Variants in KCNIP4 observed in about 807,000 individuals in gnomAD.
KCNIP4 encodes the protein Kv channel-interacting protein 4.
KCNIP4 carries 12 observed loss-of-function variants against 34.0 expected under a neutral mutation model. That is an observed-to-expected ratio of 0.35 (90% CI 0.23 to 0.57). KCNIP4 has a LOEUF of 0.57. KCNIP4 is among the 20% of genes least tolerant of loss of function. The pLI is 0.83. For missense variants in KCNIP4, 238 were observed against 311.7 expected (o/e 0.76, Z 1.78); for synonymous variants, 124 against 102.2 (o/e 1.21, Z -1.29).
intron 1 of KCNIP4, among the ~76,000 whole-genome samples, chr4:21,206,583 T>G (rs1250765349): frequency 6.6e-6 from 1 of 152,194 alleles, no homozygotes; most frequent in Non-Finnish European, 1.5e-5. Context: ...GAATCAGGCC[T>G]AGATTCCAGC....
At chr4:20,902,368 G>A (rs1241698416) in intron 1 of KCNIP4, among the ~76,000 whole-genome samples, 1 of 152,098 alleles carries the variant, frequency 6.6e-6, no homozygotes, top group Non-Finnish European at 1.5e-5. Flanking sequence ...AGAAAAAGGA[G>A]CTGATTACAG....
At chr4:21,503,764 G>A (rs148539354) in intron 1 of KCNIP4, among the ~76,000 whole-genome samples, 1 of 152,266 alleles carries the variant, frequency 6.6e-6, no homozygotes, top group East Asian at 1.9e-4. Context: ...TAATTCCCTA[G>A]AATGCTAAGG....
chr4:21,919,193 C>A (rs776885308), intron 1 of KCNIP4, among the ~76,000 whole-genome samples: 3 of 152,140 alleles, frequency 2.0e-5, no homozygotes, highest in East Asian at 1.9e-4. Context: ...TAGACTATAG[C>A]GTGTTCCCTT....
intron 1 of KCNIP4, among the ~76,000 whole-genome samples, chr4:21,534,610 A>G (rs1222314297): frequency 6.6e-6 from 1 of 152,090 alleles, no homozygotes; most frequent in Admixed American, 6.5e-5. Context: ...ACAGGTATAG[A>G]ATGGTGACAA....
chr4:21,247,521 G>C (rs942165564), intron 1 of KCNIP4, among the ~76,000 whole-genome samples: 4 of 147,668 alleles, frequency 2.7e-5, no homozygotes, highest in African/African-American at 7.5e-5. Context: ...GGGACGATAT[G>C]GCCCAGGAAC....
At chr4:21,761,397 A>G (rs1326524329) in intron 1 of KCNIP4, among the ~76,000 whole-genome samples, 1 of 152,160 alleles carries the variant, frequency 6.6e-6, no homozygotes, top group African/African-American at 2.4e-5. Flanking sequence ...AAATTTGGAG[A>G]AAAAATAATG....
intron 1 of KCNIP4, among the ~76,000 whole-genome samples, chr4:21,047,101 T>C (rs192764276): frequency 1.3e-5 from 2 of 152,314 alleles, no homozygotes; most frequent in Admixed American, 1.3e-4. Context: ...TTCCAACAGG[T>C]TGAAAACATA....
intron 1 of KCNIP4, among the ~76,000 whole-genome samples, chr4:21,385,223 G>A (rs189376273): frequency 2.6e-5 from 4 of 152,106 alleles, no homozygotes; most frequent in African/African-American, 9.7e-5. Flanking sequence ...ATATTGTTCT[G>A]GTTAAAGGGT....
At chr4:20,834,830 A>G (rs1718849860) in intron 3 of KCNIP4, among the ~76,000 whole-genome samples, 1 of 152,176 alleles carries the variant, frequency 6.6e-6, no homozygotes, top group Non-Finnish European at 1.5e-5. Context: ...GTGTCATGAA[A>G]TTGAAAGAAG....
intron 1 of KCNIP4, among the ~76,000 whole-genome samples, chr4:21,915,310 A>G (rs1409793544): frequency 6.6e-6 from 1 of 152,214 alleles, no homozygotes; most frequent in Non-Finnish European, 1.5e-5. Context: ...AAAAAGAGTG[A>G]CACACAATTG....
intron 1 of KCNIP4, among the ~76,000 whole-genome samples, chr4:21,387,262 T>C (rs1722114255): frequency 6.6e-6 from 1 of 152,298 alleles, no homozygotes; most frequent in South Asian, 2.1e-4. Flanking sequence ...AATGTCATTC[T>C]ATAACCAAGA....
intron 1 of KCNIP4, among the ~76,000 whole-genome samples, chr4:21,423,135 A>G (rs967379585): frequency 2.0e-5 from 3 of 152,190 alleles, no homozygotes; most frequent in Non-Finnish European, 2.9e-5. Context: ...CTCTCTTCCA[A>G]TGATGAGATG....
intron 1 of KCNIP4, among the ~76,000 whole-genome samples, chr4:21,479,670 C>T (rs1256299888): frequency 1.3e-5 from 2 of 151,844 alleles, no homozygotes; most frequent in African/African-American, 4.8e-5. Flanking sequence ...AAATGGGTGG[C>T]AATTATTTCA....
intron 1 of KCNIP4, among the ~76,000 whole-genome samples, chr4:21,525,873 T>C (rs1477493768): frequency 2.0e-5 from 3 of 152,208 alleles, no homozygotes; most frequent in Non-Finnish European, 4.4e-5. Flanking sequence ...TTATAATCAT[T>C]AGTAATCAGG....
At chr4:21,292,546 G>A (rs886466784) in intron 1 of KCNIP4, among the ~76,000 whole-genome samples, 2 of 152,014 alleles carry the variant, frequency 1.3e-5, no homozygotes, top group African/African-American at 2.4e-5. Flanking sequence ...CTATGACTGC[G>A]AATCTCAAAT....
chr4:21,840,612 A>C (rs1723618587), intron 1 of KCNIP4, among the ~76,000 whole-genome samples: 1 of 152,152 alleles, frequency 6.6e-6, no homozygotes, highest in South Asian at 2.1e-4. Flanking sequence ...CCCCTTGAAT[A>C]ATATGTTGGT....
intron 1 of KCNIP4, among the ~76,000 whole-genome samples, chr4:21,265,388 A>G (rs1461345806): frequency 2.6e-5 from 4 of 152,172 alleles, no homozygotes; most frequent in Non-Finnish European, 5.9e-5. Context: ...GTTATCTAGA[A>G]GTAACTTTAA....
intron 1 of KCNIP4, among the ~76,000 whole-genome samples, chr4:21,037,279 C>T (rs1741537240): frequency 6.6e-6 from 1 of 152,110 alleles, no homozygotes; most frequent in South Asian, 2.1e-4. Context: ...CAGTAATGTT[C>T]TGGGCCTAAA....
At chr4:21,272,460 A>T (rs1487464139) in intron 1 of KCNIP4, among the ~76,000 whole-genome samples, 1 of 152,168 alleles carries the variant, frequency 6.6e-6, no homozygotes, top group Admixed American at 6.6e-5. Flanking sequence ...TATTAGATAG[A>T]GTTATTATTA....
Sources: gnomAD v4.1 joint callset for allele counts (sites outside exome capture counted in the v4.1 genomes callset) on GRCh38, gnomAD v4.1.1 for gene constraint, MANE v1.5 for transcripts, NCBI Gene and HGNC (gene_info 2026-07-23, HGNC 2026-07-21) for gene names.